Variants in SOX6 observed in about 807,000 individuals in gnomAD.
The protein encoded by SOX6 is SRY-box transcription factor 6.
SOX6 carries 11 observed loss-of-function variants against 97.8 expected under a neutral mutation model. The observed-to-expected ratio is 0.11, with a 90% confidence interval of 0.07 to 0.19. The LOEUF (loss-of-function observed/expected upper bound fraction) is 0.19. SOX6 is among the 10% of genes least tolerant of loss of function. The pLI is 1.00. For missense variants in SOX6, 810 were observed against 1,039.5 expected (o/e 0.78, Z 3.04); for synonymous variants, 360 against 371.4 (o/e 0.97, Z 0.35).
chr11:16,377,394 T>C (rs1857671091), intron 1 of SOX6, among the ~76,000 whole-genome samples: 1 of 152,126 alleles, frequency 6.6e-6, no homozygotes, highest in Non-Finnish European at 1.5e-5. Flanking sequence ...ATTGCCACTT[T>C]AAGCCAGTTA....
At chr11:16,226,201 A>G (rs1852682326) in intron 4 of SOX6, among the ~76,000 whole-genome samples, 1 of 152,208 alleles carries the variant, frequency 6.6e-6, no homozygotes, top group Non-Finnish European at 1.5e-5. Flanking sequence ...AAAGAAGAGT[A>G]TACCTACAAG....
At chr11:16,514,894 G>A (rs1163128554) in intron 4 of SOX6, among the ~76,000 whole-genome samples, 53 of 151,626 alleles carry the variant, frequency 3.5e-4, no homozygotes. Context: ...TTTTATGGCT[G>A]CATAGTATTC....
chr11:16,047,353 A>C (rs899893975), intron 11 of SOX6, among the ~76,000 whole-genome samples: 1 of 151,982 alleles, frequency 6.6e-6, no homozygotes, highest in East Asian at 1.9e-4. Context: ...ATGACAACCC[A>C]TTCCCCACCC....
intron 1 of SOX6, among the ~76,000 whole-genome samples, chr11:16,430,180 C>T (rs1257537910): frequency 6.6e-6 from 1 of 152,112 alleles, no homozygotes; most frequent in Non-Finnish European, 1.5e-5. Context: ...TTACATATTG[C>T]TTACCCCGAC....
intron 1 of SOX6, among the ~76,000 whole-genome samples, chr11:16,399,330 T>G (rs1858477185): frequency 1.3e-5 from 2 of 149,754 alleles, no homozygotes. Flanking sequence ...AGTAATATTT[T>G]TATTGTTTTA....
intron 6 of SOX6, among the ~76,000 whole-genome samples, chr11:16,168,066 A>G (rs1037589585): frequency 1.3e-5 from 2 of 152,186 alleles, no homozygotes; most frequent in African/African-American, 4.8e-5. Flanking sequence ...AAGAAACACA[A>G]TGAGAAGTTG....
Position 16,177,621 on chromosome 11 carries a change from A to ATCTCTCTCTCTCTCTC in SOX6, c.777+6249_777+6264dup, listed in dbSNP as rs71044087. 2.2e-3 allele frequency among the ~76,000 whole-genome samples: 326 copies of ATCTCTCTCTCTCTCTC among 145,752 alleles called. 2 individuals are homozygous for ATCTCTCTCTCTCTCTC. Among genetic ancestry groups the ATCTCTCTCTCTCTCTC allele is most frequent in the African/African-American group, 6.2e-3 (245 of 39,318 alleles). On this transcript the variant is annotated intron_variant, in intron 6 of 15. Transcript: ENST00000683767. Reference sequence around the variant, plus strand: ...ATCCAAAGGCTCTGAGAATAAGATGATCTCTCTCTCTCTCTCTCTCTCTCT... The same window carrying ATCTCTCTCTCTCTCTC: ...ATCCAAAGGCTCTGAGAATAAGATGATCTCTCTCTCTCTCTCTCTCTCTCTCTCTCTCTCTCTCTCT...
At chr11:16,174,774 C>T (rs779032988) in intron 6 of SOX6, among the ~76,000 whole-genome samples, 87 of 151,970 alleles carry the variant, frequency 5.7e-4, no homozygotes, top group Non-Finnish European at 1.1e-3. Context: ...TTTTGTGCAG[C>T]TAAAACACAT....
rs139156336 is a variant in SOX6, at chr11:15,982,138, C to T, written c.2183+4066G>A. 2.7e-3 allele frequency among the ~76,000 whole-genome samples: 403 copies of T among 152,014 alleles called. 9 individuals carry two copies. In the South Asian group the frequency reaches 0.05, roughly 19 times the overall value. On this transcript the variant is annotated intron_variant, in intron 15 of 15. Coordinates refer to ENST00000683767, the MANE Select transcript of SOX6 (RefSeq NM_001367873.1). ...GATGCTCTTAACCACAATGCTATAC[C>T]GCCTCTGTGTGTGTAATGTCGTGTC...
intron 13 of SOX6, among the ~76,000 whole-genome samples, chr11:16,002,685 G>A (rs1446201487): frequency 4.6e-5 from 7 of 152,158 alleles, no homozygotes; most frequent in Admixed American, 4.6e-4. Flanking sequence ...GGCTTCCTAA[G>A]TTTTCAGGAC....
intron 2 of SOX6, among the ~76,000 whole-genome samples, chr11:16,336,482 C>A (rs1040282011): frequency 1.3e-5 from 2 of 152,104 alleles, no homozygotes; most frequent in African/African-American, 4.8e-5. Context: ...CAATGAATAA[C>A]CTCCCTAACT....
chr11:16,692,096 C>T (rs1290832283), intron 3 of SOX6, among the ~76,000 whole-genome samples: 101 of 140,462 alleles, frequency 7.2e-4, no homozygotes, highest in Admixed American at 2.6e-3. Context: ...TGTGCGCGCG[C>T]GCGCTTTCTG....
intron 1 of SOX6, among the ~76,000 whole-genome samples, chr11:16,352,212 TA>T (rs1311510242): frequency 6.6e-6 from 1 of 151,242 alleles, no homozygotes; most frequent in African/African-American, 2.4e-5. Flanking sequence ...GTCAGAAACA[TA>T]AAAAAAGATG....
intron 6 of SOX6, among the ~76,000 whole-genome samples, 189 bp from the exon 7 acceptor site, chr11:16,112,112 C>T (rs117852392): frequency 6.6e-6 from 1 of 152,234 alleles, no homozygotes; most frequent in East Asian, 1.9e-4. Context: ...AATAGCATAC[C>T]GAAGACGTAA....
At chr11:16,116,552 A>T (rs1849352350) in intron 6 of SOX6, among the ~76,000 whole-genome samples, 1 of 152,214 alleles carries the variant, frequency 6.6e-6, no homozygotes, top group Admixed American at 6.5e-5. Flanking sequence ...TGTAATAAAG[A>T]ATACAGAGAG....
At chr11:16,406,498 C>G (rs1449285493) in intron 1 of SOX6, among the ~76,000 whole-genome samples, 1 of 152,114 alleles carries the variant, frequency 6.6e-6, no homozygotes, top group Non-Finnish European at 1.5e-5. Flanking sequence ...ATGTCTCATC[C>G]TCCAACAGGC....
chr11:16,253,416 T>C (rs768811075), intron 3 of SOX6, among the ~76,000 whole-genome samples: 25 of 152,192 alleles, frequency 1.6e-4, no homozygotes, highest in Middle Eastern at 3.4e-3. Flanking sequence ...GAGGAATGTT[T>C]AGAATTATTG....
intron 1 of SOX6, among the ~76,000 whole-genome samples, chr11:16,452,487 A>G (rs944378637): frequency 6.6e-6 from 1 of 152,246 alleles, no homozygotes; most frequent in Non-Finnish European, 1.5e-5. Context: ...TGAGAAGAAT[A>G]TTCTTATCAG....
At chr11:16,173,322 C>T (rs927843159) in intron 6 of SOX6, among the ~76,000 whole-genome samples, 6 of 151,754 alleles carry the variant, frequency 4.0e-5, no homozygotes, top group South Asian at 2.1e-4. Context: ...CTTCTAAGCT[C>T]CTGGGGGGTT....
Sources: gnomAD v4.1 joint callset for allele counts (sites outside exome capture counted in the v4.1 genomes callset) on GRCh38, gnomAD v4.1.1 for gene constraint, MANE v1.5 for transcripts, NCBI Gene and HGNC (gene_info 2026-07-23, HGNC 2026-07-21) for gene names.